The following DPF3 variants were observed in gnomAD, a reference collection of about 807,000 sequenced individuals.
The protein encoded by DPF3 is double PHD fingers 3, also known as zinc finger protein DPF3.
A neutral mutation model predicts 56.8 loss-of-function variants in DPF3; 18 were observed. The ratio of observed to expected loss-of-function variants is 0.32; its 90% CI spans 0.22 to 0.47. The LOEUF is 0.47. Ranked by LOEUF, DPF3 falls within the 20% of genes least tolerant of loss-of-function variation. The pLI, the probability that DPF3 is intolerant of heterozygous loss-of-function variation, is 1.00. For synonymous variants in DPF3, 188 were observed against 180.2 expected (o/e 1.04, Z -0.35); for missense variants, 403 against 488.8 (o/e 0.82, Z 1.65).
rs1267617399 is a variant in DPF3 at position 72,611,771 on chromosome 14, G to C, written c.*7526C>G. Among the ~76,000 whole-genome samples, 1 of 152,146 alleles carries C rather than the reference G, an allele frequency of 6.6e-6. No homozygotes were observed. The highest frequency in any genetic ancestry group is 1.5e-5 in the Non-Finnish European group (1 of 68,024). On this transcript the variant is annotated 3_prime_UTR_variant, in exon 11 of 11. Transcript: ENST00000556509. ...AAGCAGATTAAAGCAACTAGGCTGA[G>C]GTCATCTGTTTTCTTCCCCCGACCC...
chr14:72,816,509 C>T (rs1428987941), intron 1 of DPF3, among the ~76,000 whole-genome samples: 2 of 151,990 alleles, frequency 1.3e-5, no homozygotes, highest in African/African-American at 4.8e-5. Context: ...CCCCTTGATA[C>T]CAGAAGAGCC....
chr14:72,705,125 G>A (rs1888350708), intron 6 of DPF3, among the ~76,000 whole-genome samples: 1 of 152,128 alleles, frequency 6.6e-6, no homozygotes, highest in Non-Finnish European at 1.5e-5. Flanking sequence ...TGGCGGGCAG[G>A]CAAGAGAAAC....
At chr14:72,834,638 A>C (rs1260666280) in intron 1 of DPF3, among the ~76,000 whole-genome samples, 1 of 152,180 alleles carries the variant, frequency 6.6e-6, no homozygotes, top group Non-Finnish European at 1.5e-5. Flanking sequence ...ACAGCTTGGC[A>C]GTTCCTCAAA....
chr14:72,745,773 T>C (rs1890299226), intron 3 of DPF3, among the ~76,000 whole-genome samples: 1 of 152,176 alleles, frequency 6.6e-6, no homozygotes, highest in Non-Finnish European at 1.5e-5. Context: ...GACTCTATCC[T>C]GAGTCACGCG....
chr14:72,845,153 C>G (rs1390325145), intron 1 of DPF3, among the ~76,000 whole-genome samples: 7 of 152,128 alleles, frequency 4.6e-5, no homozygotes, highest in Non-Finnish European at 7.3e-5. Flanking sequence ...TCAGCTCCCA[C>G]TCCACCCTAA....
chr14:72,675,677 A>C (rs548895471), intron 7 of DPF3: 1 of 152,338 alleles, frequency 6.6e-6, no homozygotes, highest in South Asian at 2.1e-4. Context: ...GCGGAAGACA[A>C]AAGCTAGAGG....
At chr14:72,755,080 C>T (rs757278877) in intron 2 of DPF3, among the ~76,000 whole-genome samples, 1 of 152,212 alleles carries the variant, frequency 6.6e-6, no homozygotes, top group African/African-American at 2.4e-5. Context: ...AGGCCAGAGC[C>T]CCCTGCACCC....
At chr14:72,635,782 T>C (rs970309974) in intron 8 of DPF3, among the ~76,000 whole-genome samples, 3 of 152,228 alleles carry the variant, frequency 2.0e-5, no homozygotes, top group Non-Finnish European at 4.4e-5. Flanking sequence ...ATGATCCTTA[T>C]TAAAAGAGTT....
chr14:72,722,061 G>A (rs560205970), intron 5 of DPF3, among the ~76,000 whole-genome samples: 94 of 152,150 alleles, frequency 6.2e-4, no homozygotes, highest in Non-Finnish European at 1.1e-3. Context: ...AATGATAAGG[G>A]ACTAGATAGT....
intron 1 of DPF3, among the ~76,000 whole-genome samples, chr14:72,816,977 A>T (rs1269410033): frequency 6.6e-6 from 1 of 152,170 alleles, no homozygotes; most frequent in Admixed American, 6.5e-5. Context: ...TTCTCTTGCC[A>T]TCTGCCCCCC....
intron 1 of DPF3, among the ~76,000 whole-genome samples, chr14:72,824,796 T>C (rs1360596062): frequency 5.9e-5 from 9 of 152,116 alleles, no homozygotes; most frequent in Middle Eastern, 6.8e-3. Context: ...GGTCTCGAAC[T>C]CCCGAGCTCA....
At chr14:72,727,474 G>C (rs1185837806) in intron 4 of DPF3, among the ~76,000 whole-genome samples, 2 of 151,988 alleles carry the variant, frequency 1.3e-5, no homozygotes, top group Non-Finnish European at 2.9e-5. Context: ...TACTCAGAAG[G>C]CTGAGGCAGG....
intron 6 of DPF3, among the ~76,000 whole-genome samples, chr14:72,695,521 T>C (rs2153573280): frequency 6.6e-6 from 1 of 152,352 alleles, no homozygotes; most frequent in East Asian, 1.9e-4. Flanking sequence ...GAACATATGG[T>C]ATTTGATTTT....
chr14:72,690,499 C>G (rs1256225408), intron 7 of DPF3, among the ~76,000 whole-genome samples: 1 of 151,848 alleles, frequency 6.6e-6, no homozygotes, highest in African/African-American at 2.4e-5. Flanking sequence ...CAGGTACACA[C>G]ACAATACACA....
chr14:72,656,942 T>C (rs116158820), intron 8 of DPF3, among the ~76,000 whole-genome samples: 2,178 of 152,312 alleles, frequency 0.014, 69 homozygotes, highest in African/African-American at 0.05. Flanking sequence ...CAGGATCATT[T>C]CATGTGCAAC....
At chr14:72,767,455 A>G (rs1891332572) in intron 2 of DPF3, among the ~76,000 whole-genome samples, 1 of 152,198 alleles carries the variant, frequency 6.6e-6, no homozygotes, top group Non-Finnish European at 1.5e-5. Flanking sequence ...AGAACCAAAT[A>G]GAAATTTGAA....
chr14:72,740,058 G>A (rs1253259365), intron 3 of DPF3, among the ~76,000 whole-genome samples: 2 of 152,076 alleles, frequency 1.3e-5, no homozygotes, highest in Non-Finnish European at 2.9e-5. Flanking sequence ...GTGCAAGCCT[G>A]AAGGAAGAGA....
intron 1 of DPF3, among the ~76,000 whole-genome samples, chr14:72,890,893 G>A (rs1165707408): frequency 6.6e-6 from 1 of 152,140 alleles, no homozygotes; most frequent in Non-Finnish European, 1.5e-5. Flanking sequence ...AGATGTTAAA[G>A]GCGACAACAG....
chr14:72,663,349 T>C (rs1354687676), intron 8 of DPF3, among the ~76,000 whole-genome samples: 3 of 152,132 alleles, frequency 2.0e-5, no homozygotes, highest in Non-Finnish European at 1.5e-5. Flanking sequence ...ATGCCTCATT[T>C]GGCCTAAGCC....
Sources: allele counts gnomAD v4.1 joint callset (sites outside exome capture counted in the v4.1 genomes callset), GRCh38; gene constraint gnomAD v4.1.1; transcripts MANE v1.5; gene names NCBI Gene and HGNC (gene_info 2026-07-23, HGNC 2026-07-21).